Variants in SLC4A8 observed in about 807,000 individuals in gnomAD.
SLC4A8 encodes the protein solute carrier family 4 member 8.
A neutral mutation model predicts 125.0 loss-of-function variants in SLC4A8; 40 were observed. That is an observed-to-expected ratio of 0.32 (90% confidence interval 0.25 to 0.42). The LOEUF is 0.42. SLC4A8 is among the 10% of genes least tolerant of loss of function. The probability of loss-of-function intolerance (pLI) is 1.00; values close to 1 mark genes in which losing one functional copy is unlikely to be tolerated. For missense variants in SLC4A8, 863 were observed against 1,355.1 expected (o/e 0.64, Z 5.70); for synonymous variants, 456 against 476.0 (o/e 0.96, Z 0.55).
intron 14 of SLC4A8, among the ~76,000 whole-genome samples, chr12:51,472,921 G>A (rs1950746586): frequency 1.3e-5 from 2 of 152,138 alleles, no homozygotes; most frequent in African/African-American, 4.8e-5. Flanking sequence ...TAGGTTCACA[G>A]CAAAGTTGAA....
chr12:51,436,772 G>A lies in SLC4A8; in HGVS notation c.49-3936G>A, dbSNP rs188040258. ...CTCCCAAGTAGCTGGGATTATAGGC[G>A]TGCACCACCACACCCGGCTAATTTT... On this transcript the variant is annotated intron_variant, in intron 1 of 24. Transcript: ENST00000453097. Among the ~76,000 whole-genome samples the A allele has an allele frequency of 2.8e-3, 422 of 152,120 alleles. 1 individual carries two copies. Among genetic ancestry groups the A allele is most frequent in the African/African-American group, 9.6e-3 (398 of 41,494 alleles).
At chr12:51,408,293 G>A (rs1230166973) in intron 1 of SLC4A8, among the ~76,000 whole-genome samples, 1 of 152,142 alleles carries the variant, frequency 6.6e-6, no homozygotes, top group Non-Finnish European at 1.5e-5. Context: ...GCAGTGGCAC[G>A]ATCTTGGCTT....
Position 51,471,377 on chromosome 12 carries a change from T to C in SLC4A8, c.1749T>C (p.Ser583=). ...LCIVLVATDA[S]SLVCYITRFT... ...TTGTCCTTGTGGCAACTGATGCCAG[T>C]TCCCTTGTCTGCTACATTACCCGTT... Residue 583 remains serine (S), a synonymous_variant, in exon 14 of 25, where the codon AGT becomes AGC. Coordinates refer to ENST00000453097, the MANE Select transcript of SLC4A8 (RefSeq NM_001039960.3). 6.2e-7 allele frequency: 1 copy of C among 1,614,172 alleles called. No individual in the cohort carries two copies. The highest frequency in any genetic ancestry group is 1.3e-5 in the African/African-American group (1 of 75,046).
intron 2 of SLC4A8, among the ~76,000 whole-genome samples, chr12:51,442,582 T>G (rs992113157): frequency 6.6e-6 from 1 of 152,246 alleles, no homozygotes; most frequent in African/African-American, 2.4e-5. Flanking sequence ...TAAAAAAGAA[T>G]GCTGTCTGTG....
chr12:51,430,031 G>A (rs1949135329), intron 1 of SLC4A8, among the ~76,000 whole-genome samples: 1 of 152,048 alleles, frequency 6.6e-6, no homozygotes, highest in South Asian at 2.1e-4. Context: ...TGGTGCTGGG[G>A]ACTGAAGGAA....
In SLC4A8 at chr12:51,461,243, G is replaced by C; in HGVS notation, c.1053G>C (p.Gln351His). 6.2e-7 allele frequency: 1 copy of C among 1,613,022 alleles called. No homozygotes were observed. Among genetic ancestry groups the C allele is most frequent in the Admixed American group, 1.7e-5 (1 of 60,002 alleles). ...TATTGGGTCCAGTAGGGAAAGGTCA[G>C]CAGTACCATGAGATTGGCAGATCCA... The part of the protein sequence containing the change: ...FILLGPVGKG[Q>H]QYHEIGRSMA... Residue 351 changes from glutamine (Q) to histidine (H), a missense_variant, in exon 9 of 25, where the codon CAG becomes CAC. Physicochemically the swap from Gln to His is conservative, Grantham distance 24. Transcript: ENST00000453097.
intron 1 of SLC4A8, among the ~76,000 whole-genome samples, chr12:51,426,135 G>T (rs999355827): frequency 1.3e-5 from 2 of 152,178 alleles, no homozygotes; most frequent in Admixed American, 6.5e-5. Flanking sequence ...TCCCCGAGGA[G>T]GCAGGGAAAA....
chr12:51,422,333 C>G (rs988657974), upstream of SLC4A8, among the ~76,000 whole-genome samples: 1 of 152,098 alleles, frequency 6.6e-6, no homozygotes, highest in African/African-American at 2.4e-5. Flanking sequence ...AATGAATTAG[C>G]CAGATCTCCA....
intron 11 of SLC4A8, among the ~76,000 whole-genome samples, chr12:51,468,187 T>A (rs529591233): frequency 2.0e-5 from 3 of 152,132 alleles, no homozygotes; most frequent in African/African-American, 7.2e-5. Context: ...TTAGAAAAAG[T>A]GATTGAATTG....
At chr12:51,459,100 G>A (rs1462054742) in intron 7 of SLC4A8, among the ~76,000 whole-genome samples, 2 of 152,186 alleles carry the variant, frequency 1.3e-5, no homozygotes, top group East Asian at 3.9e-4. Flanking sequence ...TGTAGCAGCA[G>A]TGTCTCACTG....
At chr12:51,417,726 C>T (rs1948713438) in intron 1 of SLC4A8, among the ~76,000 whole-genome samples, 1 of 152,228 alleles carries the variant, frequency 6.6e-6, no homozygotes, top group South Asian at 2.1e-4. Flanking sequence ...CTATGTTGGC[C>T]AGGCTGGTCT....
chr12:51,450,843 A>G, intron 2 of SLC4A8, 33 bp from the exon 3 acceptor site: 1 of 1,611,232 alleles, frequency 6.2e-7, no homozygotes, highest in East Asian at 2.2e-5. Flanking sequence ...AAACTAAAGG[A>G]GTTCTCTCCA....
At chr12:51,432,410 C>CAAAAAAAAA (rs33965654) in intron 1 of SLC4A8, among the ~76,000 whole-genome samples, 1 of 92,038 alleles carries the variant, frequency 1.1e-5, no homozygotes, top group East Asian at 3.2e-4. Flanking sequence ...GACTCCGCCT[C>CAAAAAAAAA]AAAAAAAAAA....
chr12:51,439,481 A>G (rs1490839446), intron 1 of SLC4A8, among the ~76,000 whole-genome samples: 2 of 152,056 alleles, frequency 1.3e-5, no homozygotes, highest in African/African-American at 2.4e-5. Flanking sequence ...TGAGGCTGAG[A>G]TCAAAGAGAT....
intron 1 of SLC4A8, among the ~76,000 whole-genome samples, chr12:51,418,944 G>A (rs1948735004): frequency 6.6e-6 from 1 of 152,168 alleles, no homozygotes; most frequent in Admixed American, 6.5e-5. Flanking sequence ...CGGAAATTAT[G>A]TGAAAACTCC....
intron 6 of SLC4A8, among the ~76,000 whole-genome samples, chr12:51,458,158 T>A (rs1476470911): frequency 6.6e-6 from 1 of 152,190 alleles, no homozygotes; most frequent in East Asian, 1.9e-4. Flanking sequence ...CCTTTTCCTG[T>A]GGCCAGGAAG....
intron 1 of SLC4A8, among the ~76,000 whole-genome samples, chr12:51,427,227 C>T (rs142767721): frequency 3.9e-5 from 6 of 152,178 alleles, no homozygotes; most frequent in Admixed American, 1.3e-4. Flanking sequence ...CGTGAGCCAC[C>T]GTGCCCGGCC....
intron 1 of SLC4A8, among the ~76,000 whole-genome samples, chr12:51,394,608 G>A (rs1565746139): frequency 6.6e-6 from 1 of 152,280 alleles, no homozygotes; most frequent in South Asian, 2.1e-4. Context: ...ACTTGAAGCC[G>A]GGACTTTGAG....
At chr12:51,440,613 C>T (rs1356980318) in intron 1 of SLC4A8, 95 bp from the exon 2 acceptor site, 7 of 879,244 alleles carry the variant, frequency 8.0e-6, no homozygotes, top group Non-Finnish European at 1.2e-5. Context: ...TTGTGTTTCC[C>T]CCGTAAGTAT....
Sources: allele counts gnomAD v4.1 joint callset (sites outside exome capture counted in the v4.1 genomes callset), GRCh38; gene constraint gnomAD v4.1.1; transcripts MANE v1.5; gene names NCBI Gene and HGNC (gene_info 2026-07-23, HGNC 2026-07-21).